The following CFDP1 variants were observed in gnomAD, a reference collection of about 807,000 sequenced individuals.
The protein encoded by CFDP1 is chromatin remodeling protein CFDP1, also known as heterochromatin-stabilizing protein CFDP1.
In CFDP1, 31 loss-of-function variants were observed where a neutral mutation model predicts 40.1. The ratio of observed to expected loss-of-function variants is 0.77; its 90% CI spans 0.58 to 1.04. The LOEUF (loss-of-function observed/expected upper bound fraction) is 1.04. Ranked by LOEUF, CFDP1 falls within the 50% of genes least tolerant of loss-of-function variation. The pLI, the probability that CFDP1 is intolerant of heterozygous loss-of-function variation, is 0.00. For missense variants in CFDP1, 423 were observed against 343.4 expected (o/e 1.23, Z -1.83); for synonymous variants, 167 against 120.0 (o/e 1.39, Z -2.56).
chr16:75,314,725 A>T (rs1347192641), intron 5 of CFDP1, among the ~76,000 whole-genome samples: 3 of 152,200 alleles, frequency 2.0e-5, no homozygotes, highest in African/African-American at 7.2e-5. Flanking sequence ...TCAGAAAAAT[A>T]AAAGGAAATG....
rs963752179 is a variant in CFDP1, at chr16:75,373,765, C to T, written c.650+21325G>A. ...GCTCTAGATACGAAGCCATTTTGTC[C>T]TTTACAAGGGAAGCCTTGACTTCCT... On this transcript the variant is annotated intron_variant, in intron 5 of 6. Transcript: ENST00000283882. Among the ~76,000 whole-genome samples, 7 of 152,094 alleles carry T rather than the reference C, an allele frequency of 4.6e-5. No individual in the cohort carries two copies. The South Asian group carries it at 8.3e-4, about 18-fold the overall frequency.
Position 75,396,192 on chromosome 16 carries a change from G to A in CFDP1, c.531-983C>T, listed in dbSNP as rs1339218810. Among the ~76,000 whole-genome samples, 8 of 102,826 alleles carry A rather than the reference G, an allele frequency of 7.8e-5. 4 individuals carry two copies. Among genetic ancestry groups the A allele is most frequent in the Non-Finnish European group, 1.9e-4 (8 of 43,082 alleles). 67.5% of individuals were successfully genotyped at this position (102,826 alleles called of 152,430 possible). Reference sequence around the variant, plus strand: ...CTGGGAATATAGGTTATAGAATTGGGAAATAATGCCTAGGTTGGCACTATT... The same window carrying A: ...CTGGGAATATAGGTTATAGAATTGGAAAATAATGCCTAGGTTGGCACTATT... On this transcript the variant is annotated intron_variant, in intron 4 of 6. Coordinates refer to ENST00000283882, the MANE Select transcript of CFDP1 (RefSeq NM_006324.3).
intron 5 of CFDP1, among the ~76,000 whole-genome samples, chr16:75,329,779 A>G (rs1386878394): frequency 6.6e-6 from 1 of 152,206 alleles, no homozygotes; most frequent in African/African-American, 2.4e-5. Flanking sequence ...TAGGTCATTT[A>G]TCAATTTGTT....
chr16:75,422,091 TTCTC>T (rs771733726), intron 1 of CFDP1, among the ~76,000 whole-genome samples: 179 of 152,054 alleles, frequency 1.2e-3, no homozygotes, highest in Non-Finnish European at 2.0e-3. Flanking sequence ...CCCAAATACT[TTCTC>T]TCTCTCTCTC....
At chr16:75,368,486 T>C (rs543257077) in intron 5 of CFDP1, among the ~76,000 whole-genome samples, 3 of 152,328 alleles carry the variant, frequency 2.0e-5, no homozygotes, top group African/African-American at 7.2e-5. Flanking sequence ...CTCTCTACTG[T>C]ATGAAATTTT....
intron 1 of CFDP1, among the ~76,000 whole-genome samples, chr16:75,426,644 C>T (rs772892552): frequency 6.6e-6 from 1 of 152,028 alleles, no homozygotes; most frequent in Non-Finnish European, 1.5e-5. Context: ...CCACTGCATT[C>T]CAGCCTGGGC....
rs142115381 is a variant in CFDP1, at chr16:75,356,184, C to A, written c.650+38906G>T. Among the ~76,000 whole-genome samples the A allele has an allele frequency of 2.4e-4, 36 of 152,306 alleles. 1 individual carries two copies. The East Asian group carries it at 6.7e-3, about 29-fold the overall frequency. On this transcript the variant is annotated intron_variant, in intron 5 of 6. Coordinates refer to ENST00000283882, the MANE Select transcript of CFDP1 (RefSeq NM_006324.3). ...GATTCATCAGATAAATCACTATCTA[C>A]GGCAGCTATAGCCTTATTAAATGTA...
chr16:75,371,620 T>G (rs992277903), intron 5 of CFDP1, among the ~76,000 whole-genome samples: 1 of 152,210 alleles, frequency 6.6e-6, no homozygotes, highest in Non-Finnish European at 1.5e-5. Context: ...CATAAAAATA[T>G]TACTATAGCC....
chr16:75,302,999 A>C (rs1215474425), intron 6 of CFDP1, among the ~76,000 whole-genome samples: 3 of 152,188 alleles, frequency 2.0e-5, no homozygotes, highest in Non-Finnish European at 2.9e-5. Context: ...CAGGAGTTTG[A>C]GACCAGCCTG....
At chr16:75,433,054 G>A (rs1198911982) in intron 1 of CFDP1, among the ~76,000 whole-genome samples, 2 of 152,242 alleles carry the variant, frequency 1.3e-5, no homozygotes, top group Non-Finnish European at 2.9e-5. Flanking sequence ...TTCCCGCGCT[G>A]CAAGAGGGGG....
At chr16:75,388,450 A>G (rs1417826454) in intron 5 of CFDP1, among the ~76,000 whole-genome samples, 1 of 152,210 alleles carries the variant, frequency 6.6e-6, no homozygotes, top group East Asian at 1.9e-4. Flanking sequence ...TAGAGTGGGA[A>G]AAGCAGTTGC....
At chr16:75,373,496 C>T (rs1256451992) in intron 5 of CFDP1, among the ~76,000 whole-genome samples, 3 of 152,080 alleles carry the variant, frequency 2.0e-5, no homozygotes, top group African/African-American at 4.8e-5. Context: ...AGATACACAA[C>T]GCTGGATTCT....
At chr16:75,324,036 C>T (rs1440189904) in intron 5 of CFDP1, among the ~76,000 whole-genome samples, 4 of 152,198 alleles carry the variant, frequency 2.6e-5, no homozygotes, top group Non-Finnish European at 5.9e-5. Flanking sequence ...ATCAACTCAG[C>T]CCTTATCGTT....
At chr16:75,403,817 T>C (rs1157980490) in intron 4 of CFDP1, among the ~76,000 whole-genome samples, 2 of 152,132 alleles carry the variant, frequency 1.3e-5, no homozygotes, top group Non-Finnish European at 2.9e-5. Flanking sequence ...GTAAAATATA[T>C]TACTAATTCA....
chr16:75,369,773 G>T lies in CFDP1; in HGVS notation c.650+25317C>A, dbSNP rs116254125. The stretch of plus-strand genomic sequence containing the variant: ...ACTTACTGTATTTATTTGTTTATGA[G>T]ACAGAGTCTCACTGTGTCACCCAGG... On this transcript the variant is annotated intron_variant, in intron 5 of 6. Transcript: ENST00000283882. Among the ~76,000 whole-genome samples, 1,252 of 152,156 alleles carry T rather than the reference G, an allele frequency of 8.2e-3. 21 individuals carry two copies. The highest frequency in any genetic ancestry group is 0.028 in the African/African-American group (1,145 of 41,518).
chr16:75,303,656 C>G (rs2078238786), intron 6 of CFDP1, among the ~76,000 whole-genome samples: 1 of 152,074 alleles, frequency 6.6e-6, no homozygotes, highest in Non-Finnish European at 1.5e-5. Context: ...TAGTGAGACC[C>G]TGTCTCTTAA....
intron 5 of CFDP1, among the ~76,000 whole-genome samples, chr16:75,344,406 T>C (rs2078547792): frequency 6.6e-6 from 1 of 152,180 alleles, no homozygotes; most frequent in Non-Finnish European, 1.5e-5. Flanking sequence ...CTTTAATTGC[T>C]TTAGAAAACA....
At chr16:75,429,647 C>CT (rs2079385899) in intron 1 of CFDP1, among the ~76,000 whole-genome samples, 2 of 152,160 alleles carry the variant, frequency 1.3e-5, no homozygotes, top group African/African-American at 4.8e-5. Flanking sequence ...GAGCAAGACT[C>CT]TATCTCTAAA....
At chr16:75,340,024 G>A (rs1224312499) in intron 5 of CFDP1, among the ~76,000 whole-genome samples, 1 of 152,104 alleles carries the variant, frequency 6.6e-6, no homozygotes, top group Admixed American at 6.5e-5. Flanking sequence ...TCTCATACTA[G>A]TTTTTGCATG....
Sources: gnomAD v4.1 joint callset for allele counts (sites outside exome capture counted in the v4.1 genomes callset) on GRCh38, gnomAD v4.1.1 for gene constraint, MANE v1.5 for transcripts, NCBI Gene and HGNC (gene_info 2026-07-23, HGNC 2026-07-21) for gene names.